The following KIF16B variants were observed in gnomAD, a reference collection of about 807,000 sequenced individuals.
KIF16B encodes kinesin-like protein KIF16B.
In KIF16B, 98 loss-of-function variants were observed where a neutral mutation model predicts 156.3. That is an observed-to-expected ratio of 0.63 (90% CI 0.53 to 0.74). The LOEUF (loss-of-function observed/expected upper bound fraction) is 0.74. Among genes scored for constraint, KIF16B ranks in the 30% least tolerant of loss-of-function variants. KIF16B has a pLI of 0.00. For missense variants in KIF16B, 1,421 were observed against 1,606.5 expected, an observed-to-expected ratio of 0.88 and a Z score of 1.97; for synonymous variants, 564 against 583.7, an observed-to-expected ratio of 0.97 and a Z score of 0.49.
intron 12 of KIF16B, among the ~76,000 whole-genome samples, chr20:16,442,210 C>T (rs140753384): frequency 6.6e-6 from 1 of 152,140 alleles, no homozygotes; most frequent in East Asian, 1.9e-4. Flanking sequence ...GGTGACTATA[C>T]TTAATGATGA....
At chr20:16,384,973 G>C (rs2065193598) in intron 17 of KIF16B, among the ~76,000 whole-genome samples, 1 of 151,976 alleles carries the variant, frequency 6.6e-6, no homozygotes, top group Non-Finnish European at 1.5e-5. Flanking sequence ...GAGGCAGGCG[G>C]ATCACCTGAA....
At chr20:16,496,000 T>C (rs924240680) in intron 11 of KIF16B, among the ~76,000 whole-genome samples, 1 of 152,182 alleles carries the variant, frequency 6.6e-6, no homozygotes. Context: ...CTGCTCGTTT[T>C]CACTGGTGTG....
chr20:16,472,951 G>C (rs745893597), intron 12 of KIF16B, among the ~76,000 whole-genome samples: 1 of 152,094 alleles, frequency 6.6e-6, no homozygotes, highest in African/African-American at 2.4e-5. Context: ...ACCATATCTA[G>C]GTTCTGAGAA....
chr20:16,516,252 G>T (rs930600396), intron 3 of KIF16B, among the ~76,000 whole-genome samples: 1 of 152,148 alleles, frequency 6.6e-6, no homozygotes, highest in Non-Finnish European at 1.5e-5. Context: ...ATTTGCCCAG[G>T]ATGGAGAGGG....
intron 17 of KIF16B, among the ~76,000 whole-genome samples, chr20:16,383,974 C>G (rs1255286511): frequency 6.6e-6 from 1 of 152,160 alleles, no homozygotes; most frequent in African/African-American, 2.4e-5. Context: ...ACTTGTTCTT[C>G]CAGCCTTAGA....
intron 12 of KIF16B, among the ~76,000 whole-genome samples, chr20:16,436,998 G>A (rs754335738): frequency 6.6e-5 from 10 of 152,126 alleles, no homozygotes; most frequent in African/African-American, 1.4e-4. Flanking sequence ...AGTCTCTCAC[G>A]TAAAATGGCG....
At chr20:16,410,319 GTA>G (rs1310268766) in intron 15 of KIF16B, among the ~76,000 whole-genome samples, 21 of 134,478 alleles carry the variant, frequency 1.6e-4, no homozygotes, top group South Asian at 9.6e-4. Context: ...GTGTGTGTGT[GTA>G]TATGTGTGTG....
intron 23 of KIF16B, among the ~76,000 whole-genome samples, chr20:16,350,535 GGGAGGGAAGGTGGGGA>G (rs1479223153): frequency 1.3e-5 from 2 of 152,114 alleles, no homozygotes; most frequent in Non-Finnish European, 2.9e-5. Flanking sequence ...CTGAGAAGGC[GGGAGGGAAGGTGGGGA>G]GGAGGGAAGA....
At chr20:16,326,758 A>T (rs1026959848) in intron 24 of KIF16B, among the ~76,000 whole-genome samples, 3 of 152,080 alleles carry the variant, frequency 2.0e-5, no homozygotes, top group Non-Finnish European at 4.4e-5. Context: ...TATAGAAAAC[A>T]GTATGGAGAT....
chr20:16,312,773 C>A (rs981063963), intron 24 of KIF16B, among the ~76,000 whole-genome samples: 1 of 103,442 alleles, frequency 9.7e-6, no homozygotes, highest in Non-Finnish European at 1.9e-5. Context: ...AGTCCTCCCA[C>A]CCTTTTTTTT....
chr20:16,526,894 T>C (rs903596701), intron 2 of KIF16B, among the ~76,000 whole-genome samples: 1 of 152,176 alleles, frequency 6.6e-6, no homozygotes, highest in African/African-American at 2.4e-5. Flanking sequence ...ATAAAAAAAT[T>C]GTTATGATTC....
intron 25 of KIF16B, among the ~76,000 whole-genome samples, chr20:16,284,861 C>T (rs1216701953): frequency 1.3e-5 from 2 of 152,222 alleles, no homozygotes; most frequent in African/African-American, 2.4e-5. Flanking sequence ...CACGCATGCA[C>T]ACTGGCTGGG....
intron 1 of KIF16B, among the ~76,000 whole-genome samples, chr20:16,542,413 TCA>T (rs1388786103): frequency 6.6e-6 from 1 of 152,230 alleles, no homozygotes; most frequent in African/African-American, 2.4e-5. Context: ...AGCCTGCATT[TCA>T]CAGAGAGGCT....
chr20:16,462,249 A>G (rs2067366434), intron 12 of KIF16B, among the ~76,000 whole-genome samples: 1 of 151,940 alleles, frequency 6.6e-6, no homozygotes, highest in African/African-American at 2.4e-5. Context: ...CTCAAAAAAA[A>G]AAAGTTCAGA....
intron 25 of KIF16B, among the ~76,000 whole-genome samples, chr20:16,309,142 C>A (rs2063582891): frequency 6.6e-6 from 1 of 152,090 alleles, no homozygotes; most frequent in African/African-American, 2.4e-5. Flanking sequence ...TCTTTTTGAA[C>A]AAAAATGCTG....
At chr20:16,317,091 G>C (rs1487422377) in intron 24 of KIF16B, among the ~76,000 whole-genome samples, 6 of 152,312 alleles carry the variant, frequency 3.9e-5, no homozygotes, top group South Asian at 2.1e-4. Flanking sequence ...TAAATAAAAA[G>C]TTTAAAATTA....
intron 12 of KIF16B, among the ~76,000 whole-genome samples, chr20:16,459,867 T>C (rs1369307135): frequency 6.6e-6 from 1 of 152,222 alleles, no homozygotes; most frequent in Non-Finnish European, 1.5e-5. Context: ...TTCTGACCTG[T>C]GCTCAAAGGA....
intron 12 of KIF16B, among the ~76,000 whole-genome samples, chr20:16,445,220 A>G (rs1457233097): frequency 6.6e-6 from 1 of 151,862 alleles, no homozygotes; most frequent in African/African-American, 2.4e-5. Context: ...GGAAAAGAAA[A>G]AAAAAGAATA....
At position 16,429,021 on chromosome 20, in the gene KIF16B, AG is replaced by A; in HGVS notation, c.1423-18del. On this transcript the variant is annotated intron_variant, in intron 13 of 25. Transcript: ENST00000354981. ...CTGACCTTCCTGGGAAGAAAACCCA[AG>A]CAAAATGTATTAGTAAGAAGAGAAG... 1 of 1,605,288 alleles carries A rather than the reference AG, an allele frequency of 6.2e-7. No individual in the cohort carries two copies. Among genetic ancestry groups the A allele is most frequent in the Non-Finnish European group, 8.5e-7 (1 of 1,172,244 alleles).
Sources: allele counts gnomAD v4.1 joint callset (sites outside exome capture counted in the v4.1 genomes callset), GRCh38; gene constraint gnomAD v4.1.1; transcripts MANE v1.5; gene names NCBI Gene and HGNC (gene_info 2026-07-23, HGNC 2026-07-21).